Variants in PPP4R1 observed in about 807,000 individuals in gnomAD.
The protein encoded by PPP4R1 is protein phosphatase 4 regulatory subunit 1.
PPP4R1 carries 42 observed loss-of-function variants against 111.2 expected under a neutral mutation model. That is an observed-to-expected ratio of 0.38 (90% CI 0.29 to 0.49). PPP4R1 has a LOEUF of 0.49. Ranked by LOEUF, PPP4R1 falls within the 20% of genes least tolerant of loss-of-function variation. The probability of loss-of-function intolerance (pLI) is 0.97; values close to 1 mark genes in which losing one functional copy is unlikely to be tolerated. For missense variants in PPP4R1, 1,012 were observed against 1,161.6 expected, an observed-to-expected ratio of 0.87 and a Z score of 1.87; for synonymous variants, 409 against 405.5, an observed-to-expected ratio of 1.01 and a Z score of -0.10.
At position 9,614,349 on chromosome 18, in the gene PPP4R1, C is replaced by T. The variant is rs1418409960; in HGVS notation, c.8-79G>A. ...ACGCCCCCCCCCCGCCCGCCTCCCCCCCGCCCCGGGGGCGCCTTCCCGCGC... is the reference window on the plus strand; with the variant it reads ...ACGCCCCCCCCCCGCCCGCCTCCCCTCCGCCCCGGGGGCGCCTTCCCGCGC... On this transcript the variant is annotated intron_variant, in intron 1 of 19. Coordinates refer to ENST00000400556, the MANE Select transcript of PPP4R1 (RefSeq NM_001042388.3). The surrounding 1 kb of genome is among the most constrained non-coding windows in gnomAD (Gnocchi z 4.1). 11 of 1,076,244 alleles carry T rather than the reference C, an allele frequency of 1.0e-5. No homozygotes were observed. The highest frequency in any genetic ancestry group is 1.2e-5 in the Non-Finnish European group (11 of 881,492). 66.7% of individuals were successfully genotyped at this position (1,076,244 alleles called of 1,614,324 possible).
At chr18:9,564,933 C>A (rs954204935) in intron 11 of PPP4R1, among the ~76,000 whole-genome samples, 4 of 151,894 alleles carry the variant, frequency 2.6e-5, no homozygotes, top group Admixed American at 2.6e-4. Context: ...AGCACTGAAC[C>A]CCTGGGCTCA....
intron 9 of PPP4R1, 117 bp from the exon 10 acceptor site, chr18:9,577,308 A>C: frequency 1.7e-6 from 2 of 1,163,096 alleles, no homozygotes; most frequent in Non-Finnish European, 2.4e-6. Context: ...TAGGATAATA[A>C]TGAAGCTTTT....
intron 13 of PPP4R1, among the ~76,000 whole-genome samples, chr18:9,561,095 T>C (rs986934660): frequency 6.6e-6 from 1 of 151,318 alleles, no homozygotes; most frequent in African/African-American, 2.4e-5. Flanking sequence ...GGCTCGCAAC[T>C]GTAGTCCCAG....
intron 6 of PPP4R1, among the ~76,000 whole-genome samples, chr18:9,585,875 C>T (rs1466253898): frequency 6.6e-6 from 1 of 152,022 alleles, no homozygotes; most frequent in Admixed American, 6.6e-5. Context: ...AAATCAAAGA[C>T]CTAAATAAAT....
chr18:9,547,754 C>T lies in PPP4R1; in HGVS notation c.*35G>A. 1 of 1,609,356 alleles carries T rather than the reference C, an allele frequency of 6.2e-7. No individual in the cohort carries two copies. The highest frequency in any genetic ancestry group is 8.5e-7 in the Non-Finnish European group (1 of 1,177,576). On this transcript the variant is annotated 3_prime_UTR_variant, in exon 20 of 20. Coordinates refer to ENST00000400556, the MANE Select transcript of PPP4R1 (RefSeq NM_001042388.3). The stretch of plus-strand genomic sequence containing the variant: ...CGAATGCCCACTGAACCTCGGCTCT[C>T]ATGGAAGCAGGAAAGACACCGAGAT...
Position 9,588,856 on chromosome 18 carries a change from A to G in PPP4R1, c.296-3T>C. 2 of 1,611,562 alleles carry G rather than the reference A, an allele frequency of 1.2e-6. No homozygotes were observed. The highest frequency in any genetic ancestry group is 1.7e-5 in the Admixed American group (1 of 59,230). On this transcript the variant is annotated splice_region_variant and splice_polypyrimidine_tract_variant and intron_variant, in intron 4 of 19. Transcript: ENST00000400556. The stretch of plus-strand genomic sequence containing the variant: ...CAGCTCCGCTCTCACAGTTGGTTCT[A>G]TTGAAATAACGGCAATGTGAGCAAA...
chr18:9,603,510 C>A (rs562254598), intron 2 of PPP4R1, among the ~76,000 whole-genome samples: 2 of 152,092 alleles, frequency 1.3e-5, no homozygotes, highest in South Asian at 2.1e-4. Flanking sequence ...TTTTTAATTT[C>A]TTTTTATTTT....
intron 4 of PPP4R1, among the ~76,000 whole-genome samples, chr18:9,590,611 C>T (rs1466555405): frequency 2.6e-5 from 4 of 152,002 alleles, no homozygotes; most frequent in Non-Finnish European, 5.9e-5. Context: ...CAGACGCATG[C>T]ATGTACAGAC....
chr18:9,586,919 T>C (rs1225154094), intron 6 of PPP4R1, among the ~76,000 whole-genome samples: 2 of 152,050 alleles, frequency 1.3e-5, no homozygotes, highest in Non-Finnish European at 2.9e-5. Flanking sequence ...TTGCAAACCA[T>C]GTCAAAAAAA....
Position 9,593,824 on chromosome 18 carries a change from T to A in PPP4R1, c.239A>T (p.Asp80Val), listed in dbSNP as rs1598945972. Residue 80 changes from aspartate to valine, a missense_variant, in exon 4 of 20, where the codon GAT (aspartate) becomes GTT (valine). This residue lies in a region of PPP4R1 where 707 missense variants were observed against 742.1 expected (regional missense o/e 0.95). Coordinates refer to ENST00000400556, the MANE Select transcript of PPP4R1 (RefSeq NM_001042388.3). ...CAAAACAGCAATACAATCTCTTTCA[T>A]CATCGCAGACTTCCCTCAAGGTATC... is the stretch of plus-strand genomic sequence containing the variant. ...LLDTLREVCDDERDCIAVLER... is the reference protein window; with the variant it reads ...LLDTLREVCDVERDCIAVLER... The A allele has an allele frequency of 1.7e-5, 28 of 1,613,896 alleles. No individual in the cohort carries two copies. In the East Asian group the frequency reaches 6.2e-4, roughly 36 times the overall value.
At chr18:9,548,933 CA>C (rs530112338) in intron 19 of PPP4R1, among the ~76,000 whole-genome samples, 252 of 152,176 alleles carry the variant, frequency 1.7e-3, no homozygotes, top group African/African-American at 5.8e-3. Context: ...ATCAAGCAAA[CA>C]AAAAAACCTA....
chr18:9,607,057 T>C (rs60220573), intron 2 of PPP4R1, among the ~76,000 whole-genome samples: 30,272 of 152,138 alleles, frequency 0.2, 3,339 homozygotes, highest in East Asian at 0.49. Context: ...TAGATTTAAA[T>C]ATAAAAGTGA....
At chr18:9,599,586 T>C (rs565628609) in intron 2 of PPP4R1, 2 of 152,272 alleles carry the variant, frequency 1.3e-5, no homozygotes, top group East Asian at 3.9e-4. Context: ...ACCATGAACA[T>C]AATTATACAC....
chr18:9,570,438 T>C lies in PPP4R1; in HGVS notation c.1292A>G (p.Lys431Arg). Reference protein sequence around the residue: ...NENDKKPGNYKSMLRPEVGTT... With the variant: ...NENDKKPGNYRSMLRPEVGTT... Reference sequence around the variant, plus strand: ...GCCAACCTCTGGTCGTAACATAGATTTGTAGTTACCAGGTTTTTTATCATT... The same window carrying C: ...GCCAACCTCTGGTCGTAACATAGATCTGTAGTTACCAGGTTTTTTATCATT... Residue 431 changes from lysine (K) to arginine (R), a missense_variant, in exon 11 of 20, where the codon AAA becomes AGA. This residue lies in a region of PPP4R1 where 707 missense variants were observed against 742.1 expected (regional missense o/e 0.95). Coordinates refer to ENST00000400556, the MANE Select transcript of PPP4R1 (RefSeq NM_001042388.3). The C allele has an allele frequency of 2.5e-6, 4 of 1,614,204 alleles. No individual in the cohort carries two copies. The highest frequency in any genetic ancestry group is 3.4e-6 in the Non-Finnish European group (4 of 1,180,022).
intron 2 of PPP4R1, among the ~76,000 whole-genome samples, chr18:9,597,044 G>T (rs575246214): frequency 1.6e-4 from 24 of 152,274 alleles, no homozygotes; most frequent in Non-Finnish European, 3.1e-4. Flanking sequence ...GAAGCAGGAG[G>T]ACTGTTTGAG....
At chr18:9,576,605 G>C (rs2145150094) in intron 10 of PPP4R1, among the ~76,000 whole-genome samples, 1 of 152,026 alleles carries the variant, frequency 6.6e-6, no homozygotes, top group African/African-American at 2.4e-5. Flanking sequence ...AAGAATCCAA[G>C]ATGCGCAACT....
chr18:9,586,111 A>T (rs1039811630), intron 6 of PPP4R1, among the ~76,000 whole-genome samples: 1 of 152,020 alleles, frequency 6.6e-6, no homozygotes, highest in Non-Finnish European at 1.5e-5. Context: ...AAATTTATTT[A>T]AAAATGAATT....
chr18:9,556,731 A>T (rs1214801294), intron 15 of PPP4R1, among the ~76,000 whole-genome samples: 1 of 152,222 alleles, frequency 6.6e-6, no homozygotes, highest in Non-Finnish European at 1.5e-5. Context: ...CTTAATACAC[A>T]GTTGACTTTC....
chr18:9,555,473 T>A (rs1191200299), intron 15 of PPP4R1, among the ~76,000 whole-genome samples: 1 of 152,178 alleles, frequency 6.6e-6, no homozygotes, highest in Admixed American at 6.5e-5. Flanking sequence ...AGTTCTAAAG[T>A]ATCACCTCAC....
Sources: allele counts gnomAD v4.1 joint callset (sites outside exome capture counted in the v4.1 genomes callset), GRCh38; gene constraint gnomAD v4.1.1; regional missense constraint gnomAD v4.1.1; non-coding constraint Gnocchi (gnomAD v3.1); transcripts MANE v1.5; gene names NCBI Gene and HGNC (gene_info 2026-07-23, HGNC 2026-07-21).